PPP1R12B: variants seen among roughly 807,000 people sequenced by gnomAD.
PPP1R12B encodes myosin phosphatase target subunit 2.
PPP1R12B carries 76 observed loss-of-function variants against 126.1 expected under a neutral mutation model. The ratio of observed to expected loss-of-function variants is 0.60; its 90% confidence interval spans 0.50 to 0.73. PPP1R12B has a LOEUF of 0.73. PPP1R12B is among the 30% of genes least tolerant of loss of function. PPP1R12B has a pLI of 0.00. For synonymous variants in PPP1R12B, 356 were observed against 434.7 expected (o/e 0.82, Z 2.25); for missense variants, 1,052 against 1,205.1 (o/e 0.87, Z 1.88).
chr1:202,357,734 G>A (rs907474812), intron 1 of PPP1R12B, among the ~76,000 whole-genome samples: 7 of 152,188 alleles, frequency 4.6e-5, no homozygotes, highest in Non-Finnish European at 8.8e-5. Flanking sequence ...AGCCTTGGGG[G>A]AACAGTGATA....
intron 1 of PPP1R12B, among the ~76,000 whole-genome samples, chr1:202,350,241 C>T (rs1655694145): frequency 6.6e-6 from 1 of 152,124 alleles, no homozygotes; most frequent in Admixed American, 6.6e-5. Context: ...TATTTTGTAC[C>T]CATTTTTTTT....
rs180998375 is a variant in PPP1R12B at position 202,534,686 on chromosome 1, G to A, written c.2491-24191G>A. On this transcript the variant is annotated intron_variant, in intron 18 of 23. Transcript: ENST00000608999. ...GTAAAGCCAATCCCCTAACTAGACCGAAGTAGACCAGGCTACTACCTCACC... is the reference window on the plus strand; with the variant it reads ...GTAAAGCCAATCCCCTAACTAGACCAAAGTAGACCAGGCTACTACCTCACC... Among the ~76,000 whole-genome samples the A allele has an allele frequency of 1.7e-3, 254 of 150,916 alleles. 1 individual carries two copies. Among genetic ancestry groups the A allele is most frequent in the Non-Finnish European group, 3.2e-3 (215 of 67,846 alleles).
chr1:202,517,541 C>G (rs1267751905), intron 18 of PPP1R12B, among the ~76,000 whole-genome samples: 2 of 152,056 alleles, frequency 1.3e-5, no homozygotes, highest in Non-Finnish European at 2.9e-5. Flanking sequence ...TATTAGAAAG[C>G]TATTTCAAAA....
At chr1:202,389,009 G>A (rs1446165440) in intron 1 of PPP1R12B, among the ~76,000 whole-genome samples, 1 of 152,128 alleles carries the variant, frequency 6.6e-6, no homozygotes, top group Admixed American at 6.6e-5. Flanking sequence ...TTTTGATAAT[G>A]GTGACATTTC....
chr1:202,518,767 A>G (rs1321809313), intron 18 of PPP1R12B, among the ~76,000 whole-genome samples: 1 of 152,200 alleles, frequency 6.6e-6, no homozygotes, highest in Admixed American at 6.5e-5. Context: ...CTTTGGTAAC[A>G]CACTTAGAAA....
chr1:202,511,334 A>T (rs918144728), intron 18 of PPP1R12B, among the ~76,000 whole-genome samples: 40 of 151,244 alleles, frequency 2.6e-4, no homozygotes, highest in Non-Finnish European at 4.7e-4. Context: ...CTCCTGCCTC[A>T]GCCTCCTGAG....
chr1:202,559,183 G>A (rs1296189366), intron 19 of PPP1R12B, among the ~76,000 whole-genome samples: 3 of 152,144 alleles, frequency 2.0e-5, no homozygotes, highest in South Asian at 2.1e-4. Flanking sequence ...CACCATGCTC[G>A]GTATTAGGGA....
intron 18 of PPP1R12B, among the ~76,000 whole-genome samples, chr1:202,513,815 A>G (rs1458374203): frequency 3.3e-5 from 5 of 152,212 alleles, no homozygotes; most frequent in Non-Finnish European, 7.3e-5. Flanking sequence ...GGCCACTGCT[A>G]TGAAAAGAGT....
intron 1 of PPP1R12B, among the ~76,000 whole-genome samples, chr1:202,394,211 A>G (rs1487516316): frequency 6.6e-6 from 1 of 151,616 alleles, no homozygotes; most frequent in Non-Finnish European, 1.5e-5. Context: ...GGTGGCAGTG[A>G]GATCGCACCA....
chr1:202,547,933 T>A (rs1218134785), intron 18 of PPP1R12B, among the ~76,000 whole-genome samples: 1 of 152,250 alleles, frequency 6.6e-6, no homozygotes, highest in Non-Finnish European at 1.5e-5. Context: ...TACAGAGAAC[T>A]GTAGTAATAT....
chr1:202,573,606 A>G (rs1256519193), intron 23 of PPP1R12B, among the ~76,000 whole-genome samples: 1 of 152,104 alleles, frequency 6.6e-6, no homozygotes, highest in Non-Finnish European at 1.5e-5. Flanking sequence ...TCTCCTCCCA[A>G]AGAGTTGATG....
chr1:202,517,044 GAGAA>G (rs1682229887), intron 18 of PPP1R12B, among the ~76,000 whole-genome samples: 1 of 152,196 alleles, frequency 6.6e-6, no homozygotes, highest in Admixed American at 6.5e-5. Flanking sequence ...TGTTTTCAGA[GAGAA>G]AGTCTAATTC....
chr1:202,401,361 ATTTTTTTTTTTTTTTTTT>A (rs34810265), intron 1 of PPP1R12B, among the ~76,000 whole-genome samples: 1 of 71,426 alleles, frequency 1.4e-5, no homozygotes, highest in African/African-American at 5.8e-5. Context: ...GGCTAATTTA[ATTTTTTTTTTTTTTTTTT>A]TTTTTTTTTT....
chr1:202,360,838 AT>A (rs759146611), intron 1 of PPP1R12B, among the ~76,000 whole-genome samples: 1 of 151,378 alleles, frequency 6.6e-6, no homozygotes, highest in Non-Finnish European at 1.5e-5. Context: ...ATTTTCCGTG[AT>A]TGGCAGTGGA....
intron 12 of PPP1R12B, among the ~76,000 whole-genome samples, chr1:202,446,236 C>CTATATATATATA (rs1290788219): frequency 9.1e-5 from 8 of 88,052 alleles, no homozygotes; most frequent in Admixed American, 2.0e-4. Flanking sequence ...CTCTCTCTCT[C>CTATATATATATA]TATATATATA....
In PPP1R12B at chr1:202,583,342, T is replaced by C. The variant is rs1163522594; in HGVS notation, c.*2782T>C. 6.6e-6 allele frequency: 1 copy of C among 152,172 alleles called. No individual in the cohort carries two copies. The highest frequency in any genetic ancestry group is 6.5e-5 in the Admixed American group (1 of 15,278). The allele number at this position is 152,172 out of a possible 1,614,324, so 9.4% of individuals were successfully genotyped here. On this transcript the variant is annotated 3_prime_UTR_variant, in exon 24 of 24. Transcript: ENST00000608999. The stretch of plus-strand genomic sequence containing the variant: ...GGGGCAGATTCTCAAAACTCTTAGA[T>C]TGGTGTTGCATCCCTGCCACTTCAC...
Position 202,591,275 on chromosome 1 carries a change from C to A in PPP1R12B, c.*10715C>A. On this transcript the variant is annotated 3_prime_UTR_variant, in exon 24 of 24. Coordinates refer to ENST00000608999, the MANE Select transcript of PPP1R12B (RefSeq NM_002481.4). ...TCTGGCCTCCTCGAATGCGCCCTGCCTGATTCCCTTCCCGTTCTCTCTCCT... is the reference window on the plus strand; with the variant it reads ...TCTGGCCTCCTCGAATGCGCCCTGCATGATTCCCTTCCCGTTCTCTCTCCT... The A allele has an allele frequency of 6.5e-6, 1 of 153,172 alleles. No homozygotes were observed. Among genetic ancestry groups the A allele is most frequent in the Non-Finnish European group, 1.5e-5 (1 of 68,730 alleles). 9.5% of individuals were successfully genotyped at this position (153,172 alleles called of 1,614,324 possible). A position where few individuals can be genotyped will look rare whatever the true frequency, so the allele number is the denominator to read the frequency against.
At chr1:202,353,466 GT>G (rs1656402309) in intron 1 of PPP1R12B, among the ~76,000 whole-genome samples, 1 of 150,286 alleles carries the variant, frequency 6.7e-6, no homozygotes, top group South Asian at 2.1e-4. Context: ...ATCAGACTAT[GT>G]TGGACCTCAA....
intron 1 of PPP1R12B, among the ~76,000 whole-genome samples, chr1:202,356,615 G>C (rs1176608886): frequency 3.9e-5 from 6 of 152,124 alleles, no homozygotes; most frequent in Non-Finnish European, 7.4e-5. Flanking sequence ...ATATAAGACA[G>C]GCAAGAGAGC....
Sources: gnomAD v4.1 joint callset for allele counts (sites outside exome capture counted in the v4.1 genomes callset) on GRCh38, gnomAD v4.1.1 for gene constraint, MANE v1.5 for transcripts, NCBI Gene and HGNC (gene_info 2026-07-23, HGNC 2026-07-21) for gene names.